Variants in NCK1 observed in about 807,000 individuals in gnomAD.
NCK1 encodes NCK adaptor protein 1.
In NCK1, 19 loss-of-function variants were observed where a neutral mutation model predicts 36.6. The ratio of observed to expected loss-of-function variants is 0.52; its 90% CI spans 0.36 to 0.76. The LOEUF (loss-of-function observed/expected upper bound fraction) is 0.76. Ranked by LOEUF, NCK1 falls within the 30% of genes least tolerant of loss-of-function variation. The pLI, the probability that NCK1 is intolerant of heterozygous loss-of-function variation, is 0.00. For synonymous variants in NCK1, 165 were observed against 156.0 expected (o/e 1.06, Z -0.43); for missense variants, 358 against 445.6 (o/e 0.80, Z 1.77).
At chr3:136,943,885 CAT>C (rs1285900585) in intron 2 of NCK1, among the ~76,000 whole-genome samples, 1 of 152,028 alleles carries the variant, frequency 6.6e-6, no homozygotes, top group Non-Finnish European at 1.5e-5. Context: ...AAGAAGAAAA[CAT>C]AATGGAGAGA....
intron 1 of NCK1, among the ~76,000 whole-genome samples, chr3:136,925,654 T>C (rs1233242885): frequency 2.6e-5 from 4 of 152,210 alleles, no homozygotes; most frequent in South Asian, 2.1e-4. Flanking sequence ...TGAGCAGTTA[T>C]AATTCCCTGG....
intron 2 of NCK1, among the ~76,000 whole-genome samples, chr3:136,931,582 G>A (rs1279805840): frequency 6.6e-6 from 1 of 151,930 alleles, no homozygotes; most frequent in East Asian, 1.9e-4. Context: ...TTCATTTTTT[G>A]GGTAAGTTTT....
At chr3:136,944,258 A>G (rs1193870259) in intron 2 of NCK1, among the ~76,000 whole-genome samples, 3 of 151,738 alleles carry the variant, frequency 2.0e-5, no homozygotes, top group African/African-American at 7.3e-5. Flanking sequence ...AGCTGGGACT[A>G]CAGGTGCACA....
chr3:136,936,811 A>AT (rs1482049315), intron 2 of NCK1, among the ~76,000 whole-genome samples: 13 of 152,248 alleles, frequency 8.5e-5, no homozygotes, highest in East Asian at 5.8e-4. Flanking sequence ...TCCTTTGCCC[A>AT]TTTTTGAAGT....
chr3:136,865,102 C>T (rs1467011820), intron 1 of NCK1, among the ~76,000 whole-genome samples: 10 of 152,088 alleles, frequency 6.6e-5, no homozygotes, highest in Non-Finnish European at 1.3e-4. Flanking sequence ...GGATTACAGG[C>T]GCCTGCCACC....
chr3:136,889,423 A>T (rs1309018644), intron 1 of NCK1: 2 of 152,860 alleles, frequency 1.3e-5, no homozygotes, highest in Admixed American at 6.5e-5. Context: ...GTGAAGCTGT[A>T]GACCTTCGCG....
intron 1 of NCK1, among the ~76,000 whole-genome samples, chr3:136,907,155 A>G (rs1939707684): frequency 6.6e-6 from 1 of 152,178 alleles, no homozygotes; most frequent in Non-Finnish European, 1.5e-5. Flanking sequence ...CTGCTGCAGC[A>G]GCTATTGCAG....
chr3:136,944,769 G>A (rs1207298398), intron 2 of NCK1, among the ~76,000 whole-genome samples: 1 of 152,164 alleles, frequency 6.6e-6, no homozygotes, highest in African/African-American at 2.4e-5. Context: ...CAGTTTTCTA[G>A]GTAAAGTAGA....
At chr3:136,891,086 G>A (rs559685786) in intron 1 of NCK1, among the ~76,000 whole-genome samples, 39 of 152,320 alleles carry the variant, frequency 2.6e-4, no homozygotes, top group Non-Finnish European at 5.0e-4. Flanking sequence ...ACCAAAGGCT[G>A]GTACTGTTCC....
intron 1 of NCK1, among the ~76,000 whole-genome samples, chr3:136,882,846 AAC>A (rs1038805737): frequency 2.0e-5 from 3 of 152,134 alleles, no homozygotes; most frequent in Non-Finnish European, 4.4e-5. Flanking sequence ...TAATGAAGAG[AAC>A]ACAGTCATTA....
chr3:136,909,906 C>T (rs1050552041), intron 1 of NCK1, among the ~76,000 whole-genome samples: 3 of 152,254 alleles, frequency 2.0e-5, no homozygotes, highest in Admixed American at 6.5e-5. Context: ...ACTTCTCTTA[C>T]GGTTCCTATG....
At position 136,910,463 on chromosome 3, in the gene NCK1, T is replaced by C. The variant is rs199841142; in HGVS notation, c.-18-17521T>C. ...ATGTTTTTGTTGTGTAGTAAAGTTATGTTTAAAAAATTACAAACTGAATAA... is the reference window on the plus strand; with the variant it reads ...ATGTTTTTGTTGTGTAGTAAAGTTACGTTTAAAAAATTACAAACTGAATAA... On this transcript the variant is annotated intron_variant, in intron 1 of 3. Transcript: ENST00000481752. Among the ~76,000 whole-genome samples the C allele has an allele frequency of 8.5e-5, 13 of 152,328 alleles. No individual in the cohort carries two copies. In the East Asian group the frequency reaches 2.1e-3, roughly 25 times the overall value.
chr3:136,901,301 G>T, intron 1 of NCK1, among the ~76,000 whole-genome samples: 1 of 149,082 alleles, frequency 6.7e-6, no homozygotes, highest in South Asian at 2.1e-4. Context: ...GATTCAGTTT[G>T]CCAGTATTTT....
At chr3:136,904,711 A>ATT (rs931514853) in intron 1 of NCK1, among the ~76,000 whole-genome samples, 1 of 152,012 alleles carries the variant, frequency 6.6e-6, no homozygotes, top group Admixed American at 6.6e-5. Flanking sequence ...GACTTGGAAA[A>ATT]TTTTTACCTA....
At chr3:136,862,846 A>G (rs1411200198) in intron 1 of NCK1, among the ~76,000 whole-genome samples, 1 of 149,158 alleles carries the variant, frequency 6.7e-6, no homozygotes, top group Non-Finnish European at 1.5e-5. Flanking sequence ...CATCTTCGGG[A>G]CGCGCCCTCT....
intron 1 of NCK1, among the ~76,000 whole-genome samples, chr3:136,882,347 A>AT (rs1938964657): frequency 6.6e-6 from 1 of 151,762 alleles, no homozygotes; most frequent in Admixed American, 6.6e-5. Flanking sequence ...TCGTTTGCCC[A>AT]TTTTTCATTT....
intron 1 of NCK1, among the ~76,000 whole-genome samples, chr3:136,922,422 T>C (rs896219004): frequency 1.1e-4 from 17 of 152,218 alleles, no homozygotes; most frequent in African/African-American, 3.6e-4. Context: ...GGTGACCATC[T>C]GCCTATCACC....
intron 1 of NCK1, among the ~76,000 whole-genome samples, chr3:136,884,407 C>T (rs927905248): frequency 1.3e-5 from 2 of 152,118 alleles, no homozygotes; most frequent in African/African-American, 4.8e-5. Flanking sequence ...GAAAGTATAG[C>T]TTAATGAGAA....
At chr3:136,907,457 C>G (rs1005258899) in intron 1 of NCK1, among the ~76,000 whole-genome samples, 2 of 152,140 alleles carry the variant, frequency 1.3e-5, no homozygotes, top group Non-Finnish European at 2.9e-5. Context: ...TTTCTAGGCA[C>G]CTCTTTATGT....
Sources: gnomAD v4.1 joint callset for allele counts (sites outside exome capture counted in the v4.1 genomes callset) on GRCh38, gnomAD v4.1.1 for gene constraint, MANE v1.5 for transcripts, NCBI Gene and HGNC (gene_info 2026-07-23, HGNC 2026-07-21) for gene names.